DDAH1: variants seen among roughly 807,000 people sequenced by gnomAD.
DDAH1 encodes N(G),N(G)-dimethylarginine dimethylaminohydrolase 1.
A neutral mutation model predicts 28.8 loss-of-function variants in DDAH1; 19 were observed. The ratio of observed to expected loss-of-function variants is 0.66; its 90% confidence interval spans 0.46 to 0.97. DDAH1 has a LOEUF of 0.97. DDAH1 is among the 50% of genes least tolerant of loss of function. The pLI, the probability that DDAH1 is intolerant of heterozygous loss-of-function variation, is 0.00. For synonymous variants in DDAH1, 153 were observed against 154.4 expected (o/e 0.99, Z 0.07); for missense variants, 326 against 375.9 (o/e 0.87, Z 1.10).
At chr1:85,448,943 A>T (rs1249837844) in intron 1 of DDAH1, among the ~76,000 whole-genome samples, 2 of 152,230 alleles carry the variant, frequency 1.3e-5, no homozygotes, top group East Asian at 3.9e-4. Context: ...TTGATAAGCT[A>T]TATAGCTAGT....
rs1321704856 is a variant in DDAH1, at chr1:85,461,187, C to G, written c.303+3556G>C. ...TGGAGTCATGTAAAATTTGATAGGC[C>G]TCTAACGGCTTATTTTTCTTTAAAG... On this transcript the variant is annotated intron_variant, in intron 1 of 5. Coordinates refer to ENST00000284031, the MANE Select transcript of DDAH1 (RefSeq NM_012137.4). Among the ~76,000 whole-genome samples, 3 of 151,852 alleles carry G rather than the reference C, an allele frequency of 2.0e-5. No homozygotes were observed. The East Asian group carries it at 5.8e-4, about 29-fold the overall frequency.
intron 1 of DDAH1, among the ~76,000 whole-genome samples, chr1:85,363,287 G>A (rs12130145): frequency 6.6e-6 from 1 of 152,130 alleles, no homozygotes. Context: ...TCTGCTGCTA[G>A]ATACTATGAA....
At chr1:85,362,745 A>C (rs952746939) in intron 1 of DDAH1, among the ~76,000 whole-genome samples, 1 of 152,206 alleles carries the variant, frequency 6.6e-6, no homozygotes, top group African/African-American at 2.4e-5. Context: ...CACCTAGCTC[A>C]GTGCCTGGCA....
chr1:85,502,765 A>G (rs1261047529), intron 1 of DDAH1, among the ~76,000 whole-genome samples: 2 of 152,138 alleles, frequency 1.3e-5, no homozygotes, highest in African/African-American at 4.8e-5. Flanking sequence ...TGCATTAAAG[A>G]GTCCTCTTTT....
At chr1:85,330,562 A>C (rs12024405) in intron 4 of DDAH1, among the ~76,000 whole-genome samples, 2,606 of 152,266 alleles carry the variant, frequency 0.017, 69 homozygotes, top group East Asian at 0.12. Context: ...CGTCACCACA[A>C]ATTCCTTTCC....
At chr1:85,550,350 ATGGAGCAG>A (rs1197707828) in intron 1 of DDAH1, among the ~76,000 whole-genome samples, 11 of 152,270 alleles carry the variant, frequency 7.2e-5, no homozygotes, top group Admixed American at 2.6e-4. Context: ...GTTCTGGTCA[ATGGAGCAG>A]CGGTAGCATG....
At chr1:85,480,659 C>A (rs779463485) in intron 2 of DDAH1, among the ~76,000 whole-genome samples, 11 of 152,128 alleles carry the variant, frequency 7.2e-5, no homozygotes, top group Admixed American at 1.3e-4. Context: ...GGATGAGAAT[C>A]ACTTGAATTG....
chr1:85,429,032 A>ATAC (rs1653545812), intron 1 of DDAH1, among the ~76,000 whole-genome samples: 1 of 152,014 alleles, frequency 6.6e-6, no homozygotes, highest in Admixed American at 6.6e-5. Flanking sequence ...TTTTTATTAT[A>ATAC]TACTTTAAGT....
intron 1 of DDAH1, among the ~76,000 whole-genome samples, chr1:85,568,760 G>A (rs927298336): frequency 6.6e-5 from 10 of 152,106 alleles, no homozygotes; most frequent in African/African-American, 2.4e-4. Context: ...TCCAAGCAGA[G>A]AAAAACACAG....
chr1:85,423,488 C>T (rs1653245177), intron 1 of DDAH1, among the ~76,000 whole-genome samples: 1 of 151,928 alleles, frequency 6.6e-6, no homozygotes, highest in Non-Finnish European at 1.5e-5. Flanking sequence ...AGGCATTTTT[C>T]CTCCTTCCCT....
intron 1 of DDAH1, among the ~76,000 whole-genome samples, chr1:85,362,164 G>A (rs1649832076): frequency 6.6e-6 from 1 of 151,668 alleles, no homozygotes; most frequent in South Asian, 2.1e-4. Context: ...AACATACATT[G>A]AGGATACATT....
chr1:85,347,325 AC>A (rs1349206305), intron 4 of DDAH1, among the ~76,000 whole-genome samples: 1 of 152,254 alleles, frequency 6.6e-6, no homozygotes, highest in African/African-American at 2.4e-5. Context: ...ACGTATGTTT[AC>A]TGTGGCACTA....
chr1:85,577,091 C>A (rs1191391584), intron 1 of DDAH1, among the ~76,000 whole-genome samples: 1 of 152,106 alleles, frequency 6.6e-6, no homozygotes, highest in Non-Finnish European at 1.5e-5. Flanking sequence ...TTCTTGGCAA[C>A]CGCGGTGACT....
In DDAH1 at chr1:85,464,758, C is replaced by T. The variant is rs145336450; in HGVS notation, c.288G>A (p.Pro96=). ...CGGCAGTTACCTCCTTCCTCCGGCT[C>T]GGCGCCCCGGGTCGGGTGATGAGGG... is the stretch of plus-strand genomic sequence containing the variant. ...ETALITRPGA[P]SRRKEVDMMK... The change falls in exon 1 of 6, where the codon CCG becomes CCA. Residue 96 remains proline (P), a synonymous_variant. Transcript: ENST00000284031. The surrounding 1 kb of genome is among the most constrained non-coding windows in gnomAD (Gnocchi z 4.4). 1.1e-4 allele frequency: 176 copies of T among 1,551,860 alleles called. 1 individual carries two copies. The African/African-American group carries it at 1.8e-3, about 16-fold the overall frequency.
intron 1 of DDAH1, among the ~76,000 whole-genome samples, chr1:85,370,843 C>G (rs1650344094): frequency 6.6e-6 from 1 of 152,048 alleles, no homozygotes; most frequent in Non-Finnish European, 1.5e-5. Flanking sequence ...AATTGAAGAA[C>G]TGTGTGGCCA....
At chr1:85,415,722 T>C (rs1231327767) in intron 1 of DDAH1, among the ~76,000 whole-genome samples, 3 of 152,142 alleles carry the variant, frequency 2.0e-5, no homozygotes, top group Admixed American at 6.5e-5. Context: ...AACAAGGGAA[T>C]AGGTTGACAT....
chr1:85,496,232 T>C (rs148247269), exon 2 of DDAH1: 8 of 985,206 alleles, frequency 8.1e-6, no homozygotes, highest in Non-Finnish European at 9.6e-6. Context: ...CATTTCCTAC[T>C]GAAAAGTCTT....
intron 4 of DDAH1, among the ~76,000 whole-genome samples, chr1:85,327,510 G>A (rs1330428835): frequency 2.0e-5 from 3 of 152,130 alleles, no homozygotes; most frequent in Non-Finnish European, 4.4e-5. Context: ...TTGGAATAAG[G>A]ACAAATTTTA....
chr1:85,426,250 T>C (rs1249971940), intron 1 of DDAH1, among the ~76,000 whole-genome samples: 2 of 152,210 alleles, frequency 1.3e-5, no homozygotes, highest in East Asian at 1.9e-4. Context: ...ATAGTGTTAA[T>C]GTAGTATCAC....
Sources: allele counts gnomAD v4.1 joint callset (sites outside exome capture counted in the v4.1 genomes callset), GRCh38; gene constraint gnomAD v4.1.1; non-coding constraint Gnocchi (gnomAD v3.1); transcripts MANE v1.5; gene names NCBI Gene and HGNC (gene_info 2026-07-23, HGNC 2026-07-21).